Variants in DDX60L observed in about 807,000 individuals in gnomAD.
DDX60L encodes probable ATP-dependent RNA helicase DDX60-like.
DDX60L carries 191 observed loss-of-function variants against 211.6 expected under a neutral mutation model. The ratio of observed to expected loss-of-function variants is 0.90; its 90% confidence interval spans 0.80 to 1.02. The LOEUF (loss-of-function observed/expected upper bound fraction) is 1.02. Among genes scored for constraint, DDX60L ranks in the 50% least tolerant of loss-of-function variants. The pLI is 0.00. For missense variants in DDX60L, 2,007 were observed against 1,984.1 expected (o/e 1.01, Z -0.22); for synonymous variants, 706 against 694.1 (o/e 1.02, Z -0.27).
At chr4:168,376,769 A>T (rs1742016014) in intron 33 of DDX60L, among the ~76,000 whole-genome samples, 1 of 152,196 alleles carries the variant, frequency 6.6e-6, no homozygotes, top group Non-Finnish European at 1.5e-5. Context: ...ACCTTCTCGA[A>T]TGTGTATGCT....
intron 29 of DDX60L, among the ~76,000 whole-genome samples, chr4:168,388,678 C>T (rs1744293556): frequency 6.6e-6 from 1 of 152,202 alleles, no homozygotes; most frequent in Admixed American, 6.5e-5. Context: ...CCTAGGGAAT[C>T]TAGGACCAGA....
intron 22 of DDX60L, among the ~76,000 whole-genome samples, chr4:168,409,199 G>T (rs998353908): frequency 1.3e-5 from 2 of 152,154 alleles, no homozygotes; most frequent in East Asian, 1.9e-4. Flanking sequence ...ACAGAGTAAA[G>T]AGCTGAGAAG....
At chr4:168,431,820 T>C (rs965777845) in intron 12 of DDX60L, among the ~76,000 whole-genome samples, 1 of 152,180 alleles carries the variant, frequency 6.6e-6, no homozygotes, top group Non-Finnish European at 1.5e-5. Context: ...TATGAATTCC[T>C]TTCCTTAGGA....
rs573604276 is a variant in DDX60L, at chr4:168,405,129, C to T, written c.3213+821G>A. On this transcript the variant is annotated intron_variant, in intron 24 of 37. Transcript: ENST00000682922. ...GCTCAAGTGATTCTTCCACTTCAAT[C>T]TCCAGAGTAGCTAGGATTACAGGCA... Among the ~76,000 whole-genome samples, 14 of 152,118 alleles carry T rather than the reference C, an allele frequency of 9.2e-5. No individual in the cohort carries two copies. In the East Asian group the frequency reaches 2.7e-3, roughly 30 times the overall value.
chr4:168,398,640 A>C (rs529240863), intron 26 of DDX60L, among the ~76,000 whole-genome samples: 2 of 152,204 alleles, frequency 1.3e-5, no homozygotes, highest in Non-Finnish European at 1.5e-5. Flanking sequence ...AGGCCTGCCC[A>C]TGGCCACCCA....
At chr4:168,450,741 C>A (rs1455625975) in intron 8 of DDX60L, among the ~76,000 whole-genome samples, 3 of 152,194 alleles carry the variant, frequency 2.0e-5, no homozygotes, top group African/African-American at 4.8e-5. Flanking sequence ...CATGACCAGA[C>A]CTTGCCTCTA....
intron 26 of DDX60L, 43 bp downstream of exon 26, chr4:168,400,781 TTA>T (rs1746653090): frequency 1.3e-6 from 2 of 1,510,328 alleles, no homozygotes; most frequent in East Asian, 2.3e-5. Flanking sequence ...TGTAAATATT[TTA>T]GTCTTCAGGG....
rs368079755 is a variant in DDX60L, at chr4:168,358,997, A to G, written c.4992-721T>C. On this transcript the variant is annotated intron_variant, in intron 37 of 37. Transcript: ENST00000682922. ...ATTTTTAAAAACCCACAGTCACCCA[A>G]TTCAGTGGAAAAAAATTCTGTCCCT... 4.6e-5 allele frequency among the ~76,000 whole-genome samples: 7 copies of G among 152,202 alleles called. 1 individual carries two copies. Among genetic ancestry groups the G allele is most frequent in the East Asian group, 3.9e-4 (2 of 5,192 alleles).
intron 8 of DDX60L, among the ~76,000 whole-genome samples, chr4:168,449,652 C>CAAAA: frequency 7.0e-3 from 55 of 7,892 alleles, no homozygotes; most frequent in African/African-American, 0.012. Flanking sequence ...AAAAAAAATG[C>CAAAA]AAAAAAAAAA....
At chr4:168,420,169 T>C (rs1750261177) in intron 18 of DDX60L, 92 bp downstream of exon 18, 3 of 1,077,304 alleles carry the variant, frequency 2.8e-6, no homozygotes, top group Non-Finnish European at 2.6e-6. Flanking sequence ...ATGATTTCTA[T>C]AAGGGCTTGT....
intron 8 of DDX60L, among the ~76,000 whole-genome samples, chr4:168,451,395 CGG>C (rs969546173): frequency 1.8e-4 from 27 of 152,316 alleles, no homozygotes; most frequent in African/African-American, 6.3e-4. Flanking sequence ...GTTCTTCTTT[CGG>C]TGGCAGCATC....
chr4:168,414,636 G>C, intron 22 of DDX60L, among the ~76,000 whole-genome samples: 1 of 151,794 alleles, frequency 6.6e-6, no homozygotes, highest in East Asian at 1.9e-4. Context: ...AATGAATAAA[G>C]AAAATGTGGC....
intron 8 of DDX60L, among the ~76,000 whole-genome samples, chr4:168,451,079 C>T (rs1410472035): frequency 6.6e-6 from 1 of 152,142 alleles, no homozygotes; most frequent in Non-Finnish European, 1.5e-5. Context: ...ATATCATATT[C>T]TCCCAGATTT....
At position 168,406,007 on chromosome 4, in the gene DDX60L, A is replaced by G. The variant is rs754934655; in HGVS notation, c.3156T>C (p.Tyr1052=). The G allele has an allele frequency of 2.5e-6, 4 of 1,602,708 alleles. No individual in the cohort carries two copies. The highest frequency in any genetic ancestry group is 3.4e-6 in the Non-Finnish European group (4 of 1,175,322). Residue 1052 remains tyrosine, a synonymous_variant, in exon 24 of 38, where the codon TAT becomes TAC. Transcript: ENST00000682922. ...IVIKKLDARK[Y]EENLKAELTN... is the part of the protein sequence containing the mutation. ...TCAATTCTGCCTTTAAGTTTTCTTC[A>G]TATTTTCTAGCATCCAACTTCTTAA...
chr4:168,467,164 T>C (rs1448757542), intron 4 of DDX60L, among the ~76,000 whole-genome samples: 2 of 152,092 alleles, frequency 1.3e-5, no homozygotes, highest in African/African-American at 4.8e-5. Context: ...ATCCCAACAC[T>C]CTGGGTGGCC....
intron 30 of DDX60L, among the ~76,000 whole-genome samples, chr4:168,382,821 T>C (rs1251421588): frequency 2.0e-5 from 3 of 152,184 alleles, no homozygotes. Flanking sequence ...AGTTAGCAAG[T>C]GCTTTTCCCA....
intron 27 of DDX60L, chr4:168,395,625 T>C (rs1745633546): frequency 1.7e-5 from 3 of 177,020 alleles, no homozygotes; most frequent in South Asian, 3.5e-4. Context: ...CAGTTGACAT[T>C]ATTTAAAATA....
At chr4:168,369,142 C>T (rs995796659) in intron 36 of DDX60L, among the ~76,000 whole-genome samples, 3 of 152,040 alleles carry the variant, frequency 2.0e-5, no homozygotes, top group African/African-American at 7.2e-5. Flanking sequence ...GCCTGTGTCC[C>T]CACCCAAATC....
chr4:168,431,880 C>T, intron 12 of DDX60L, among the ~76,000 whole-genome samples: 1 of 152,092 alleles, frequency 6.6e-6, no homozygotes, highest in East Asian at 1.9e-4. Context: ...TTCAACTCCT[C>T]CTCATTACTG....
Sources: allele counts gnomAD v4.1 joint callset (sites outside exome capture counted in the v4.1 genomes callset), GRCh38; gene constraint gnomAD v4.1.1; transcripts MANE v1.5; gene names NCBI Gene and HGNC (gene_info 2026-07-23, HGNC 2026-07-21).